Variants in OXR1 observed in about 807,000 individuals in gnomAD.
The protein encoded by OXR1 is oxidation resistance protein 1.
In OXR1, 41 loss-of-function variants were observed where a neutral mutation model predicts 104.6. That is an observed-to-expected ratio of 0.39 (90% CI 0.31 to 0.51). The LOEUF (loss-of-function observed/expected upper bound fraction) is 0.51, where lower values mean the gene tolerates loss of function less well. Among genes scored for constraint, OXR1 ranks in the 20% least tolerant of loss-of-function variants. The pLI, the probability that OXR1 is intolerant of heterozygous loss-of-function variation, is 0.77. For missense variants in OXR1, 955 were observed against 1,031.9 expected, an observed-to-expected ratio of 0.93 and a Z score of 1.02; for synonymous variants, 348 against 348.4, an observed-to-expected ratio of 1.00 and a Z score of 0.01.
intron 12 of OXR1, among the ~76,000 whole-genome samples, chr8:106,738,968 T>C (rs1834654317): frequency 6.6e-6 from 1 of 152,132 alleles, no homozygotes; most frequent in Admixed American, 6.6e-5. Flanking sequence ...TAGTTATTTT[T>C]TTTTATTCTA....
chr8:106,524,438 G>C (rs1324884762), intron 3 of OXR1, among the ~76,000 whole-genome samples: 1 of 152,178 alleles, frequency 6.6e-6, no homozygotes, highest in African/African-American at 2.4e-5. Flanking sequence ...TCACGGTCCA[G>C]CTTCTGCAAC....
chr8:106,645,242 C>T (rs894422247), intron 3 of OXR1, among the ~76,000 whole-genome samples: 3 of 152,158 alleles, frequency 2.0e-5, no homozygotes, highest in East Asian at 1.9e-4. Context: ...CCAACCCTTC[C>T]TTCCGGACTC....
chr8:106,318,708 G>C (rs1390977026), intron 1 of OXR1, among the ~76,000 whole-genome samples: 5 of 151,960 alleles, frequency 3.3e-5, no homozygotes, highest in Non-Finnish European at 7.4e-5. Context: ...GCATTCCCTG[G>C]CTCCTTTGTT....
intron 2 of OXR1, among the ~76,000 whole-genome samples, chr8:106,377,734 C>A (rs1248392377): frequency 6.6e-6 from 1 of 152,128 alleles, no homozygotes; most frequent in East Asian, 1.9e-4. Context: ...AATCATTAAA[C>A]AAACATTATA....
chr8:106,409,169 A>G lies in OXR1; in HGVS notation c.23+49533A>G, dbSNP rs150732648. On this transcript the variant is annotated intron_variant, in intron 2 of 16. Coordinates refer to ENST00000517566, the MANE Select transcript of OXR1 (RefSeq NM_001198533.2). Reference sequence around the variant, plus strand: ...CACCACTCTGACTGATTCCCCACACATGACTTAGCTAAGGAAAATAGCAGT... The same window carrying G: ...CACCACTCTGACTGATTCCCCACACGTGACTTAGCTAAGGAAAATAGCAGT... 5.0e-3 allele frequency among the ~76,000 whole-genome samples: 759 copies of G among 152,194 alleles called. 7 individuals are homozygous for G. The highest frequency in any genetic ancestry group is 7.8e-3 in the Non-Finnish European group (531 of 67,996).
Position 106,745,865 on chromosome 8 carries a change from A to G in OXR1, c.2486+3A>G. On this transcript the variant is annotated splice_donor_region_variant and intron_variant, in intron 16 of 16. Coordinates refer to ENST00000517566, the MANE Select transcript of OXR1 (RefSeq NM_001198533.2). ...TCACTAGCTTTCGGTGGTGGAGGGT[A>G]AGTCTCTTGAACATTTCACTATGAG... is the stretch of plus-strand genomic sequence containing the variant. The G allele has an allele frequency of 6.5e-7, 1 of 1,529,432 alleles. No individual in the cohort carries two copies. The highest frequency in any genetic ancestry group is 2.3e-5 in the East Asian group (1 of 44,346). 94.7% of individuals were successfully genotyped at this position (1,529,432 alleles called of 1,614,324 possible).
chr8:106,553,390 CT>C (rs1816024648), intron 3 of OXR1, among the ~76,000 whole-genome samples: 3 of 149,940 alleles, frequency 2.0e-5, no homozygotes, highest in African/African-American at 7.4e-5. Context: ...GCAATCTCAG[CT>C]TACTGCAGCC....
chr8:106,353,441 C>T (rs926882158), intron 1 of OXR1, among the ~76,000 whole-genome samples: 13 of 151,470 alleles, frequency 8.6e-5, no homozygotes, highest in African/African-American at 2.7e-4. Flanking sequence ...TATCTTTCCC[C>T]AATGATTGAC....
chr8:106,718,148 G>C (rs1158171840), intron 11 of OXR1, among the ~76,000 whole-genome samples: 1 of 151,990 alleles, frequency 6.6e-6, no homozygotes, highest in East Asian at 1.9e-4. Context: ...ATTTTTTCCA[G>C]TACTTCAACT....
chr8:106,478,710 G>A (rs535182217), intron 2 of OXR1, among the ~76,000 whole-genome samples: 99 of 151,514 alleles, frequency 6.5e-4, no homozygotes, highest in African/African-American at 2.1e-3. Flanking sequence ...AACATAATAC[G>A]TATGATTAAT....
intron 2 of OXR1, among the ~76,000 whole-genome samples, chr8:106,498,980 G>C (rs1811594154): frequency 4.0e-5 from 1 of 24,702 alleles, no homozygotes; most frequent in Admixed American, 4.1e-4. Flanking sequence ...GGCTAACAAG[G>C]TGAAACCCCG....
At chr8:106,615,288 C>T (rs1203489875) in intron 3 of OXR1, among the ~76,000 whole-genome samples, 3 of 151,992 alleles carry the variant, frequency 2.0e-5, no homozygotes, top group Admixed American at 2.0e-4. Context: ...AAAATTCAGC[C>T]AGGCCTGGTG....
At chr8:106,722,460 T>C (rs1832898435) in intron 11 of OXR1, among the ~76,000 whole-genome samples, 2 of 152,192 alleles carry the variant, frequency 1.3e-5, no homozygotes, top group Non-Finnish European at 2.9e-5. Context: ...AGTTGATAGG[T>C]ACTGACTTTC....
chr8:106,710,802 A>G lies in OXR1; in HGVS notation c.1793+12A>G, dbSNP rs1273060920. ...GTGCCACAAGAAAGGTAAAAAACCCATACGACACCTTGAGAGCATTATTGA... is the reference window on the plus strand; with the variant it reads ...GTGCCACAAGAAAGGTAAAAAACCCGTACGACACCTTGAGAGCATTATTGA... On this transcript the variant is annotated intron_variant, in intron 10 of 16. Transcript: ENST00000517566. 6.2e-6 allele frequency: 9 copies of G among 1,463,196 alleles called. No homozygotes were observed. The highest frequency in any genetic ancestry group is 8.2e-6 in the Non-Finnish European group (9 of 1,098,020). 90.6% of individuals were successfully genotyped at this position (1,463,196 alleles called of 1,614,324 possible).
Position 106,710,719 on chromosome 8 carries a change from A to G in OXR1, c.1722A>G (p.Ala574=). 6.2e-7 allele frequency: 1 copy of G among 1,603,892 alleles called. No homozygotes were observed. The highest frequency in any genetic ancestry group is 8.5e-7 in the Non-Finnish European group (1 of 1,174,260). The part of the protein sequence containing the change: ...KPMRKTFVSQ[A]SATMQQYAQR... ...TGAGGAAAACGTTTGTATCTCAAGC[A>G]AGTGCTACAATGCAACAGTATGCAC... is the stretch of plus-strand genomic sequence containing the variant. The change falls in exon 10 of 17, where the codon GCA becomes GCG. Residue 574 remains alanine, a synonymous_variant. Transcript: ENST00000517566.
At chr8:106,739,412 A>C (rs1009257436) in intron 12 of OXR1, 46 bp from the exon 13 acceptor site, 1 of 1,540,758 alleles carries the variant, frequency 6.5e-7, no homozygotes, top group African/African-American at 1.4e-5. Context: ...TTTTGAAAGC[A>C]TGTCACAAGT....
chr8:106,347,560 T>C (rs984373473), intron 1 of OXR1, among the ~76,000 whole-genome samples: 13 of 152,224 alleles, frequency 8.5e-5, no homozygotes, highest in Non-Finnish European at 1.9e-4. Context: ...TTGTTGATTG[T>C]AGGCAATAAA....
chr8:106,667,906 A>C (rs1826511869), intron 3 of OXR1, among the ~76,000 whole-genome samples: 1 of 151,846 alleles, frequency 6.6e-6, no homozygotes, highest in South Asian at 2.1e-4. Context: ...AATGAAAGAT[A>C]ATACTTATTC....
At chr8:106,292,844 CA>C (rs1812814069) in intron 1 of OXR1, among the ~76,000 whole-genome samples, 1 of 152,186 alleles carries the variant, frequency 6.6e-6, no homozygotes, top group South Asian at 2.1e-4. Flanking sequence ...ATGTTTATGT[CA>C]CTGAAGAATG....
Sources: gnomAD v4.1 joint callset for allele counts (sites outside exome capture counted in the v4.1 genomes callset) on GRCh38, gnomAD v4.1.1 for gene constraint, MANE v1.5 for transcripts, NCBI Gene and HGNC (gene_info 2026-07-23, HGNC 2026-07-21) for gene names.